Variants in DMC1 observed in about 807,000 individuals in gnomAD.
DMC1 encodes the protein DNA meiotic recombinase 1.
Under a neutral mutation model 50.1 loss-of-function variants are expected in DMC1, and 27 were observed. The ratio of observed to expected loss-of-function variants is 0.54; its 90% CI spans 0.40 to 0.74. The LOEUF (loss-of-function observed/expected upper bound fraction) is 0.74. Among genes scored for constraint, DMC1 ranks in the 30% least tolerant of loss-of-function variants. DMC1 has a pLI of 0.00. For synonymous variants in DMC1, 148 were observed against 136.1 expected (o/e 1.09, Z -0.61); for missense variants, 295 against 420.2 (o/e 0.70, Z 2.60).
At chr22:38,547,530 CTT>C (rs1161719828) in intron 8 of DMC1, among the ~76,000 whole-genome samples, 1 of 151,336 alleles carries the variant, frequency 6.6e-6, no homozygotes, top group Non-Finnish European at 1.5e-5. Flanking sequence ...TATATTTTTT[CTT>C]CCTATTTGTT....
chr22:38,512,582 ATAT>A, the DMC1 span, among the ~76,000 whole-genome samples: 1 of 152,176 alleles, frequency 6.6e-6, no homozygotes, highest in Admixed American at 6.5e-5. Context: ...CCCTCTCAAA[ATAT>A]TGAAGCCTGG....
chr22:38,562,418 T>C (rs1202436752), intron 4 of DMC1, 49 bp from the exon 5 acceptor site: 2 of 1,351,540 alleles, frequency 1.5e-6, no homozygotes, highest in African/African-American at 1.4e-5. Context: ...AAGATCATGG[T>C]TGTATTTTCA....
intron 9 of DMC1, 97 bp from the exon 10 acceptor site, chr22:38,538,709 G>T: frequency 9.2e-7 from 1 of 1,091,334 alleles, no homozygotes; most frequent in Non-Finnish European, 1.4e-6. Flanking sequence ...TAAATTCCTT[G>T]AAGGATTTTC....
chr22:38,553,497 CA>C (rs372645739), intron 6 of DMC1, among the ~76,000 whole-genome samples: 211 of 47,024 alleles, frequency 4.5e-3, no homozygotes, highest in Middle Eastern at 0.041. Context: ...GACTCCGTCT[CA>C]AAAAAAAAAA....
At chr22:38,530,481 T>C (rs1250875721) in intron 12 of DMC1, among the ~76,000 whole-genome samples, 2 of 150,348 alleles carry the variant, frequency 1.3e-5, no homozygotes. Context: ...CGGGGGGAGG[T>C]GAGATGGGGA....
intron 12 of DMC1, among the ~76,000 whole-genome samples, chr22:38,533,377 CAG>C (rs1408778753): frequency 8.5e-6 from 1 of 117,220 alleles, no homozygotes; most frequent in African/African-American, 3.5e-5. Flanking sequence ...GCCTGAGTGA[CAG>C]AGCGAGACTC....
intron 13 of DMC1, 82 bp downstream of exon 13, chr22:38,521,516 CAACATGGCAA>C (rs2090023622): frequency 1.1e-6 from 1 of 884,904 alleles, no homozygotes. Context: ...CCAGCTCGGG[CAACATGGCAA>C]AACCCCGTCT....
intron 8 of DMC1, among the ~76,000 whole-genome samples, chr22:38,544,361 C>G (rs1402933908): frequency 2.6e-5 from 4 of 152,164 alleles, no homozygotes; most frequent in Admixed American, 2.6e-4. Context: ...AAAGGATAAT[C>G]AGAAACTCAA....
At position 38,537,730 on chromosome 22, in the gene DMC1, GT is replaced by G. The variant is rs1206792357; in HGVS notation, c.776-79del. ...AAAAGTTCATTGTTTAGATTTCAGA[GT>G]TTAGACATATTGCATCATGAATTTA... On this transcript the variant is annotated intron_variant, in intron 11 of 13. Coordinates refer to ENST00000216024, the MANE Select transcript of DMC1 (RefSeq NM_007068.4). 1.9e-5 allele frequency: 21 copies of G among 1,084,844 alleles called. No individual in the cohort carries two copies. In the African/African-American group the frequency reaches 2.5e-4, roughly 13 times the overall value. The allele number at this position is 1,084,844 out of a possible 1,614,324, so 67.2% of individuals were successfully genotyped here.
chr22:38,521,590 A>ACACACAC lies in DMC1; in HGVS notation c.953+17_953+18insGTGTGTG, dbSNP rs757107730. 8.8e-5 allele frequency: 126 copies of ACACACAC among 1,426,312 alleles called. No individual in the cohort carries two copies. Among genetic ancestry groups the ACACACAC allele is most frequent in the Non-Finnish European group, 1.1e-4 (113 of 1,025,754 alleles). 88.4% of individuals were successfully genotyped at this position (1,426,312 alleles called of 1,614,324 possible). Reference sequence around the variant, plus strand: ...ACACACACACACACACACACACACAAAATAAAAAAAAATTTACCTGTCATA... The same window carrying ACACACAC: ...ACACACACACACACACACACACACAACACACACAATAAAAAAAAATTTACCTGTCATA... On this transcript the variant is annotated intron_variant, in intron 13 of 13. Coordinates refer to ENST00000216024, the MANE Select transcript of DMC1 (RefSeq NM_007068.4).
chr22:38,542,019 A>T (rs1027602787), intron 8 of DMC1, among the ~76,000 whole-genome samples: 5 of 121,516 alleles, frequency 4.1e-5, no homozygotes, highest in East Asian at 2.6e-4. Context: ...CATTTATGAT[A>T]AAAAAAAAAC....
intron 12 of DMC1, among the ~76,000 whole-genome samples, chr22:38,530,617 A>C (rs567847267): frequency 6.6e-6 from 1 of 152,190 alleles, no homozygotes; most frequent in African/African-American, 2.4e-5. Flanking sequence ...GGCACATGGT[A>C]AGTAATCAAT....
Position 38,521,567 on chromosome 22 carries a change from AC to A in DMC1, c.953+40del. 6.9e-6 allele frequency: 8 copies of A among 1,162,540 alleles called. No individual in the cohort carries two copies. In the African/African-American group the frequency reaches 9.1e-5, roughly 13 times the overall value. The allele number at this position is 1,162,540 out of a possible 1,614,324, so 72.0% of individuals were successfully genotyped here. A position where few individuals can be genotyped will look rare whatever the true frequency, so the allele number is the denominator to read the frequency against. On this transcript the variant is annotated intron_variant, in intron 13 of 13. Transcript: ENST00000216024. ...CACACACACACACACACACACACAC[AC>A]ACACACACACACACACACACAAAAT...
chr22:38,526,391 G>A lies in DMC1; in HGVS notation c.837-4667C>T, dbSNP rs1383407496. Among the ~76,000 whole-genome samples the A allele has an allele frequency of 2.6e-5, 4 of 151,780 alleles. No individual in the cohort carries two copies. In the South Asian group the frequency reaches 8.3e-4, roughly 32 times the overall value. ...CGCCCGGCTAATTTTTGTATTTTTAGTAGAGACGGGGTTTCACTATGTTAA... is the reference window on the plus strand; with the variant it reads ...CGCCCGGCTAATTTTTGTATTTTTAATAGAGACGGGGTTTCACTATGTTAA... On this transcript the variant is annotated intron_variant, in intron 12 of 13. Coordinates refer to ENST00000216024, the MANE Select transcript of DMC1 (RefSeq NM_007068.4).
At chr22:38,517,954 C>A (rs560613695), downstream of DMC1, among the ~76,000 whole-genome samples, 1 of 152,094 alleles carries the variant, frequency 6.6e-6, no homozygotes, top group Non-Finnish European at 1.5e-5. Flanking sequence ...AACCTTTCCC[C>A]TCCCATTTTT....
intron 8 of DMC1, among the ~76,000 whole-genome samples, chr22:38,548,011 C>A (rs903184851): frequency 1.3e-5 from 2 of 152,204 alleles, no homozygotes; most frequent in Admixed American, 6.5e-5. Flanking sequence ...ACATTGCTGA[C>A]AACTCATCGT....
intron 12 of DMC1, among the ~76,000 whole-genome samples, chr22:38,527,191 T>G (rs2145803155): frequency 6.6e-6 from 1 of 152,260 alleles, no homozygotes; most frequent in South Asian, 2.1e-4. Context: ...TTAACCATTC[T>G]AAATCTCTCC....
rs758311626 is a variant in DMC1, at chr22:38,521,571, AC to A, written c.953+36del. On this transcript the variant is annotated intron_variant, in intron 13 of 13. Transcript: ENST00000216024. The stretch of plus-strand genomic sequence containing the variant: ...CACACACACACACACACACACACAC[AC>A]ACACACACACACACACAAAATAAAA... The A allele has an allele frequency of 4.8e-5, 59 of 1,230,088 alleles. No individual in the cohort carries two copies. The African/African-American group carries it at 6.6e-4, about 14-fold the overall frequency. The allele number at this position is 1,230,088 out of a possible 1,614,324, so 76.2% of individuals were successfully genotyped here.
At chr22:38,536,223 A>G (rs1394393368) in intron 12 of DMC1, among the ~76,000 whole-genome samples, 1 of 151,786 alleles carries the variant, frequency 6.6e-6, no homozygotes, top group Non-Finnish European at 1.5e-5. Context: ...CTCTTAAAAA[A>G]AAAAAACACA....
Sources: gnomAD v4.1 joint callset for allele counts (sites outside exome capture counted in the v4.1 genomes callset) on GRCh38, gnomAD v4.1.1 for gene constraint, MANE v1.5 for transcripts, NCBI Gene and HGNC (gene_info 2026-07-23, HGNC 2026-07-21) for gene names.